ZC3H12B: variants seen among roughly 807,000 people sequenced by gnomAD.
ZC3H12B encodes probable ribonuclease ZC3H12B.
A neutral mutation model predicts 43.9 loss-of-function variants in ZC3H12B; 7 were observed. The ratio of observed to expected loss-of-function variants is 0.16; its 90% CI spans 0.09 to 0.30. The LOEUF is 0.30. Among genes scored for constraint, ZC3H12B ranks in the 10% least tolerant of loss-of-function variants. The pLI, the probability that ZC3H12B is intolerant of heterozygous loss-of-function variation, is 1.00. For missense variants in ZC3H12B, 475 were observed against 670.2 expected, an observed-to-expected ratio of 0.71 and a Z score of 3.22; for synonymous variants, 222 against 241.7, an observed-to-expected ratio of 0.92 and a Z score of 0.76.
the ZC3H12B span, among the ~76,000 whole-genome samples, chrX:65,196,375 C>A: frequency 3.1e-4 from 35 of 111,377 alleles, no homozygotes; most frequent in African/African-American, 1.1e-3. Flanking sequence ...ATCAGTAAGT[C>A]ATTGGTGCCC....
the ZC3H12B span, chrX:65,271,937 G>C: frequency 1.6e-5 from 2 of 125,584 alleles, no homozygotes; most frequent in African/African-American, 3.2e-5. Context: ...AGCCTAGGCC[G>C]GGTGCGGTGG....
intron 3 of ZC3H12B, among the ~76,000 whole-genome samples, chrX:65,448,907 A>G (rs868357394): frequency 9.6e-6 from 1 of 104,046 alleles, no homozygotes; most frequent in Non-Finnish European, 1.9e-5. Context: ...GAGAGAGAGA[A>G]AGAGAGAAAG....
chrX:65,373,619 T>G (rs1251725402), intron 2 of ZC3H12B, among the ~76,000 whole-genome samples: 3 of 105,538 alleles, frequency 2.8e-5, no homozygotes, highest in African/African-American at 1.0e-4. Context: ...GAAACCATCA[T>G]TCTCAGCAAA....
At chrX:65,340,289 T>A in the ZC3H12B span, among the ~76,000 whole-genome samples, 12 of 112,390 alleles carry the variant, frequency 1.1e-4, no homozygotes, top group South Asian at 4.1e-3. Flanking sequence ...CCTCCACTAC[T>A]GCTGTGAACA....
the ZC3H12B span, among the ~76,000 whole-genome samples, chrX:65,152,925 G>A: frequency 2.7e-5 from 3 of 111,489 alleles, no homozygotes; most frequent in East Asian, 8.4e-4. Context: ...CAGAAGTAAT[G>A]CCACATATCT....
the ZC3H12B span, among the ~76,000 whole-genome samples, chrX:65,313,822 C>A: frequency 8.9e-6 from 1 of 111,850 alleles, no homozygotes; most frequent in Non-Finnish European, 1.9e-5. Flanking sequence ...AGTGAAACAA[C>A]AATCAACAGA....
chrX:65,121,271 G>T, the ZC3H12B span, among the ~76,000 whole-genome samples: 8 of 111,121 alleles, frequency 7.2e-5, no homozygotes, highest in Non-Finnish European at 1.3e-4. Flanking sequence ...CTGTGAATCC[G>T]TCTGGTCCTG....
the ZC3H12B span, among the ~76,000 whole-genome samples, chrX:65,344,002 T>A: frequency 8.9e-6 from 1 of 112,161 alleles, no homozygotes; most frequent in Non-Finnish European, 1.9e-5. Context: ...AGAAAATTGA[T>A]GTAAAAAATA....
chrX:65,150,626 A>C, the ZC3H12B span, among the ~76,000 whole-genome samples: 3 of 111,330 alleles, frequency 2.7e-5, no homozygotes, highest in Non-Finnish European at 5.6e-5. Context: ...GTTGAAGATG[A>C]TGACTTCCAG....
intron 3 of ZC3H12B, among the ~76,000 whole-genome samples, chrX:65,457,727 ATTC>A (rs1238579603): frequency 3.0e-5 from 2 of 66,948 alleles, no homozygotes; most frequent in Non-Finnish European, 4.8e-5. Flanking sequence ...ACTAAGAAAA[ATTC>A]TTCTGCCTTG....
chrX:65,203,149 C>T, the ZC3H12B span, among the ~76,000 whole-genome samples: 1 of 112,188 alleles, frequency 8.9e-6, no homozygotes, highest in Admixed American at 9.4e-5. Flanking sequence ...GAGCCCCTCT[C>T]TGCCTCAGGG....
chrX:65,058,606 C>G, the ZC3H12B span, among the ~76,000 whole-genome samples: 1 of 112,014 alleles, frequency 8.9e-6, no homozygotes, highest in African/African-American at 3.3e-5. Context: ...TCCAAGCTGT[C>G]AGACAGGGAC....
At chrX:65,408,098 C>A in intron 3 of ZC3H12B, 1 of 1,194,855 alleles carries the variant, frequency 8.4e-7, no homozygotes, top group Non-Finnish European at 1.1e-6. Flanking sequence ...CCCGCAGAGC[C>A]GGCACCCGAC....
At chrX:65,211,019 A>G in the ZC3H12B span, among the ~76,000 whole-genome samples, 1 of 67,585 alleles carries the variant, frequency 1.5e-5, no homozygotes, top group Non-Finnish European at 2.6e-5. Flanking sequence ...ATGTATACAT[A>G]TGTAACTAAC....
chrX:65,132,330 C>T, the ZC3H12B span, among the ~76,000 whole-genome samples: 13 of 110,896 alleles, frequency 1.2e-4, no homozygotes, highest in South Asian at 3.1e-3. Context: ...TTTTAGAAGC[C>T]CATGCTGTAG....
At chrX:65,449,639 T>G (rs1270206550) in intron 3 of ZC3H12B, among the ~76,000 whole-genome samples, 3 of 110,314 alleles carry the variant, frequency 2.7e-5, no homozygotes, top group Non-Finnish European at 3.8e-5. Flanking sequence ...AAAAAAAAAT[T>G]GATATGTCTA....
Position 65,457,735 on chromosome X carries a change from G to C in ZC3H12B, n.408-30911G>C, listed in dbSNP as rs377635225. 6.2e-4 allele frequency among the ~76,000 whole-genome samples: 41 copies of C among 66,500 alleles called. No homozygotes were observed. The East Asian group carries it at 0.016, about 26-fold the overall frequency. The allele number at this position is 66,500 out of a possible 115,157, so 57.7% of individuals were successfully genotyped here. ...GTTCTGTACTAAGAAAAATTCTTCT[G>C]CCTTGGGATCCTGTTGATCTGTGAC... is the stretch of plus-strand genomic sequence containing the variant. On this transcript the variant is annotated intron_variant and non_coding_transcript_variant, in intron 3 of 5. Transcript: ENST00000617377.
the ZC3H12B span, among the ~76,000 whole-genome samples, chrX:65,250,568 T>G: frequency 8.9e-6 from 1 of 111,957 alleles, no homozygotes; most frequent in Admixed American, 9.5e-5. Context: ...ATAAAAGTGT[T>G]CCTATTTCTC....
At chrX:65,502,017 T>A in exon 5 of ZC3H12B, 1 of 1,210,184 alleles carries the variant, frequency 8.3e-7, no homozygotes, top group Non-Finnish European at 1.1e-6. Flanking sequence ...GATCCCAGCA[T>A]CCGGTCTGTG....
Sources: allele counts gnomAD v4.1 joint callset (sites outside exome capture counted in the v4.1 genomes callset), GRCh38; gene constraint gnomAD v4.1.1; transcripts MANE v1.5; gene names NCBI Gene and HGNC (gene_info 2026-07-23, HGNC 2026-07-21).